The following PPL variants were observed in gnomAD, a reference collection of about 807,000 sequenced individuals.
The protein encoded by PPL is 190 kDa paraneoplastic pemphigus antigen.
PPL carries 198 observed loss-of-function variants against 194.4 expected under a neutral mutation model. The observed-to-expected ratio is 1.02, with a 90% CI of 0.91 to 1.15. The LOEUF (loss-of-function observed/expected upper bound fraction) is 1.15. Ranked by LOEUF, PPL falls within the 50% of genes most tolerant of loss-of-function variation. The probability of loss-of-function intolerance (pLI) is 0.00; values close to 1 mark genes in which losing one functional copy is unlikely to be tolerated. For missense variants in PPL, 2,885 were observed against 2,294.8 expected (o/e 1.26, Z -5.25); for synonymous variants, 1,220 against 972.4 (o/e 1.25, Z -4.74).
In PPL at chr16:4,889,038, A is replaced by T; in HGVS notation, c.2337T>A (p.Ser779Arg). Residue 779 changes from serine to arginine, a missense_variant, in exon 19 of 22, where the codon AGT becomes AGA. Physicochemically the swap from Ser to Arg is moderately radical, Grantham distance 110. Transcript: ENST00000345988. ...NQKNLLDEIA[S>R]REQEVQKICA... ...AGATCTTCTGTACTTCCTGCTCCCTACTTGCTATCTCATCTAGCAGGTTCT... is the reference window on the plus strand; with the variant it reads ...AGATCTTCTGTACTTCCTGCTCCCTTCTTGCTATCTCATCTAGCAGGTTCT... The T allele has an allele frequency of 6.2e-7, 1 of 1,613,652 alleles. No homozygotes were observed.
Position 4,922,683 on chromosome 16 carries a change from A to C in PPL, c.63-11734T>G, listed in dbSNP as rs572716155. Among the ~76,000 whole-genome samples, 36 of 152,004 alleles carry C rather than the reference A, an allele frequency of 2.4e-4. 1 individual carries two copies. In the East Asian group the frequency reaches 6.8e-3, roughly 29 times the overall value. Reference sequence around the variant, plus strand: ...TCTCAAAACAAAACAAAACAAAAAAACCCTAGAAACAAACAAAAAGCCAGA... The same window carrying C: ...TCTCAAAACAAAACAAAACAAAAAACCCCTAGAAACAAACAAAAAGCCAGA... On this transcript the variant is annotated intron_variant, in intron 1 of 21. Coordinates refer to ENST00000345988, the MANE Select transcript of PPL (RefSeq NM_002705.5).
In PPL at chr16:4,936,999, G is replaced by C. The variant is rs757664547; in HGVS notation, c.47C>G (p.Thr16Ser). The C allele has an allele frequency of 6.4e-7, 1 of 1,565,682 alleles. No individual in the cohort carries two copies. The highest frequency in any genetic ancestry group is 1.2e-5 in the South Asian group (1 of 86,622). Residue 16 changes from threonine to serine, a missense_variant, in exon 1 of 22, where the codon ACT becomes AGT. By Grantham distance (58) the Thr-to-Ser change is moderately conservative (BLOSUM62 1). Coordinates refer to ENST00000345988, the MANE Select transcript of PPL (RefSeq NM_002705.5). ...GCCTCCTCACCTCCGGGTCTGCACA[G>C]TGGGGCTGTATTTGCCTTTGTTTCT... is the stretch of plus-strand genomic sequence containing the variant. The part of the protein sequence containing the change: ...RKRNKGKYSP[T>S]VQTRSISNKE...
At chr16:4,904,079 C>G in intron 2 of PPL, 39 bp from the exon 3 acceptor site, 1 of 1,589,656 alleles carries the variant, frequency 6.3e-7, no homozygotes, top group Non-Finnish European at 8.5e-7. Flanking sequence ...GAACAGGAGC[C>G]GAGAGCGGGC....
At chr16:4,898,895 C>G (rs1410144677) in intron 8 of PPL, 118 bp downstream of exon 8, 5 of 748,580 alleles carry the variant, frequency 6.7e-6, no homozygotes, top group Non-Finnish European at 1.1e-5. Context: ...CAGACAGACA[C>G]AAGATGCAGC....
rs749431350 is a variant in PPL, at chr16:4,888,168, A to G, written c.2448T>C (p.Asn816=). The change falls in exon 20 of 22, where the codon AAT becomes AAC. Residue 816 remains asparagine (N), a synonymous_variant. Coordinates refer to ENST00000345988, the MANE Select transcript of PPL (RefSeq NM_002705.5). ...TCTTGCTCACGTGGCTTCTCCTTCC[A>G]TTCTCCAAGTCGAGAAGAGACCTTA... is the stretch of plus-strand genomic sequence containing the variant. ...EKLRSLLDLE[N]GRRSHVSKRA... is the part of the protein sequence containing the mutation. 3 of 1,613,822 alleles carry G rather than the reference A, an allele frequency of 1.9e-6. No individual in the cohort carries two copies. Among genetic ancestry groups the G allele is most frequent in the Non-Finnish European group, 2.5e-6 (3 of 1,179,762 alleles).
At chr16:4,892,296 C>T in intron 14 of PPL, 83 bp from the exon 15 acceptor site, 2 of 1,440,444 alleles carry the variant, frequency 1.4e-6, no homozygotes, top group South Asian at 1.3e-5. Context: ...AGCACAGATT[C>T]CCACATCAGG....
intron 1 of PPL, among the ~76,000 whole-genome samples, chr16:4,927,106 T>C (rs1246192038): frequency 2.0e-5 from 3 of 152,188 alleles, no homozygotes; most frequent in South Asian, 2.1e-4. Context: ...TTACAATAAA[T>C]GTAAATGAGT....
At position 4,897,665 on chromosome 16, in the gene PPL, AG is replaced by A; in HGVS notation, c.972+9del. On this transcript the variant is annotated intron_variant, in intron 9 of 21. Transcript: ENST00000345988. The stretch of plus-strand genomic sequence containing the variant: ...CCGGTGCTGGGGGGACTCCCAGGAA[AG>A]GTAAGTACCTGGTGGTAGTCCTCCA... 6.2e-7 allele frequency: 1 copy of A among 1,609,244 alleles called. No homozygotes were observed. Among genetic ancestry groups the A allele is most frequent in the East Asian group, 2.2e-5 (1 of 44,846 alleles).
intron 1 of PPL, among the ~76,000 whole-genome samples, chr16:4,918,239 G>A (rs2142401578): frequency 6.6e-6 from 1 of 150,630 alleles, no homozygotes; most frequent in Admixed American, 6.6e-5. Context: ...GTTGCAGTGA[G>A]CCGAGATTGC....
Position 4,895,358 on chromosome 16 carries a change from T to C in PPL, c.1145A>G (p.Gln382Arg). 6.2e-7 allele frequency: 1 copy of C among 1,613,418 alleles called. No homozygotes were observed. The highest frequency in any genetic ancestry group is 8.5e-7 in the Non-Finnish European group (1 of 1,179,984). ...GGGCACCACCTGCTGGCCTCGCTTC[T>C]GCAGCCCCTGCACCACGTCCTCATA... ...DKYEDVVQGL[Q>R]KRGQQVVPLK... is the part of the protein sequence containing the mutation. Residue 382 changes from glutamine to arginine, a missense_variant, in exon 11 of 22, where the codon CAG becomes CGG. Transcript: ENST00000345988.
chr16:4,932,576 G>C (rs1409598701), intron 1 of PPL, among the ~76,000 whole-genome samples: 1 of 151,908 alleles, frequency 6.6e-6, no homozygotes, highest in Non-Finnish European at 1.5e-5. Context: ...ACCACACCCA[G>C]CTAATTTTTA....
Position 4,885,992 on chromosome 16 carries a change from C to T in PPL, c.2663G>A (p.Gly888Glu). 2 of 1,613,956 alleles carry T rather than the reference C, an allele frequency of 1.2e-6. No individual in the cohort carries two copies. Among genetic ancestry groups the T allele is most frequent in the South Asian group, 1.1e-5 (1 of 91,084 alleles). Residue 888 changes from glycine to glutamate, a missense_variant, in exon 22 of 22, where the codon GGA (glycine) becomes GAA (glutamate). Physicochemically the swap from Gly to Glu is moderately conservative, Grantham distance 98. Coordinates refer to ENST00000345988, the MANE Select transcript of PPL (RefSeq NM_002705.5). This position sits in a 1 kb window ranked among gnomAD's most constrained non-coding sequence, Gnocchi z 6.3. The part of the protein sequence containing the change: ...ETLQRNRPDS[G>E]VEEAWKIRKE... ...CCTGATCTTCCACGCCTCCTCCACT[C>T]CAGAGTCCGGCCTATTCCTTTGCAG... is the stretch of plus-strand genomic sequence containing the variant.
At chr16:4,932,661 G>A (rs1401274776) in intron 1 of PPL, among the ~76,000 whole-genome samples, 1 of 151,978 alleles carries the variant, frequency 6.6e-6, no homozygotes, top group Non-Finnish European at 1.5e-5. Flanking sequence ...CAAGTGATCC[G>A]TCCGCCTTAC....
chr16:4,884,736 C>G lies in PPL; in HGVS notation c.3919G>C (p.Glu1307Gln). The G allele has an allele frequency of 6.2e-7, 1 of 1,614,194 alleles. No individual in the cohort carries two copies. The stretch of plus-strand genomic sequence containing the variant: ...AGCTTTGCCCTCAGAGACGCCACCT[C>G]CTCCTTGGTTTGAGGGTCTTCTTGG... ...QFQEDPQTKE[E>Q]VASLRAKLSE... Residue 1307 changes from glutamate (E) to glutamine (Q), a missense_variant, in exon 22 of 22, where the codon GAG becomes CAG. Coordinates refer to ENST00000345988, the MANE Select transcript of PPL (RefSeq NM_002705.5). The surrounding 1 kb of genome is among the most constrained non-coding windows in gnomAD (Gnocchi z 5.7).
intron 1 of PPL, among the ~76,000 whole-genome samples, chr16:4,926,328 C>G (rs1353012569): frequency 6.6e-6 from 1 of 152,198 alleles, no homozygotes; most frequent in East Asian, 1.9e-4. Flanking sequence ...CCCACCAACT[C>G]TTTGTCATCT....
Position 4,902,636 on chromosome 16 carries a change from C to G in PPL, c.318-110G>C. On this transcript the variant is annotated intron_variant, in intron 3 of 21. Coordinates refer to ENST00000345988, the MANE Select transcript of PPL (RefSeq NM_002705.5). The surrounding 1 kb of genome is among the most constrained non-coding windows in gnomAD (Gnocchi z 4.0). Reference sequence around the variant, plus strand: ...CAGTGTCCTGGAAGGACACAGTGACCATATGGCCTTGGGTTCCAGACAATC... The same window carrying G: ...CAGTGTCCTGGAAGGACACAGTGACGATATGGCCTTGGGTTCCAGACAATC... 1 of 1,286,324 alleles carries G rather than the reference C, an allele frequency of 7.8e-7. No homozygotes were observed. Among genetic ancestry groups the G allele is most frequent in the Non-Finnish European group, 1.1e-6 (1 of 939,730 alleles). The allele number at this position is 1,286,324 out of a possible 1,614,324, so 79.7% of individuals were successfully genotyped here. A position where few individuals can be genotyped will look rare whatever the true frequency, so the allele number is the denominator to read the frequency against.
Position 4,894,477 on chromosome 16 carries a change from G to C in PPL, c.1384C>G (p.Leu462Val), listed in dbSNP as rs905322634. 3 of 1,613,744 alleles carry C rather than the reference G, an allele frequency of 1.9e-6. No individual in the cohort carries two copies. The highest frequency in any genetic ancestry group is 1.7e-6 in the Non-Finnish European group (2 of 1,179,970). ...CCTTTGCCCTTGTACCTGTCAGCCA[G>C]AGCCAGGGCCTCAGGGTCTGTGGGG... ...IPPTDPEALALADSLGSQYRS... is the reference protein window; with the variant it reads ...IPPTDPEALAVADSLGSQYRS... The change falls in exon 12 of 22, where the codon CTG becomes GTG. Residue 462 changes from leucine (L) to valine (V), a missense_variant. Transcript: ENST00000345988.
chr16:4,935,314 G>A (rs2089282352), intron 1 of PPL, among the ~76,000 whole-genome samples: 1 of 152,202 alleles, frequency 6.6e-6, no homozygotes, highest in African/African-American at 2.4e-5. Context: ...GAGGCTGGGA[G>A]GAGGCAGAGG....
intron 1 of PPL, among the ~76,000 whole-genome samples, chr16:4,926,360 G>C (rs1481044638): frequency 6.6e-6 from 1 of 152,112 alleles, no homozygotes; most frequent in African/African-American, 2.4e-5. Context: ...ACAGGCCCTG[G>C]CAACAGGCCC....
Sources: allele counts gnomAD v4.1 joint callset (sites outside exome capture counted in the v4.1 genomes callset), GRCh38; gene constraint gnomAD v4.1.1; non-coding constraint Gnocchi (gnomAD v3.1); transcripts MANE v1.5; gene names NCBI Gene and HGNC (gene_info 2026-07-23, HGNC 2026-07-21).